KSR2: variants seen among roughly 807,000 people sequenced by gnomAD.
KSR2 encodes the protein kinase suppressor of ras 2.
In KSR2, 25 loss-of-function variants were observed where a neutral mutation model predicts 107.8. The observed-to-expected ratio is 0.23, with a 90% CI of 0.17 to 0.32. The LOEUF (loss-of-function observed/expected upper bound fraction) is 0.32, where lower values mean the gene tolerates loss of function less well. Among genes scored for constraint, KSR2 ranks in the 10% least tolerant of loss-of-function variants. The pLI is 1.00. For synonymous variants in KSR2, 480 were observed against 507.0 expected (o/e 0.95, Z 0.71); for missense variants, 887 against 1,268.9 (o/e 0.70, Z 4.57).
At chr12:117,849,965 A>G (rs1289993547) in intron 3 of KSR2, among the ~76,000 whole-genome samples, 2 of 152,376 alleles carry the variant, frequency 1.3e-5, no homozygotes, top group East Asian at 3.9e-4. Context: ...AGATGAATAC[A>G]ATATCACCCT....
At chr12:117,583,973 G>A (rs1879847649) in intron 5 of KSR2, among the ~76,000 whole-genome samples, 1 of 152,180 alleles carries the variant, frequency 6.6e-6, no homozygotes, top group South Asian at 2.1e-4. Flanking sequence ...CTATCACAGA[G>A]CATTTAACCC....
Position 117,469,648 on chromosome 12 carries a change from G to C in KSR2, c.2846+14C>G, listed in dbSNP as rs1201739379. On this transcript the variant is annotated intron_variant, in intron 19 of 19. Transcript: ENST00000339824. The stretch of plus-strand genomic sequence containing the variant: ...ACAAGGCAGTGGGGAGAGACATTAA[G>C]GGAGAAAACCTACTCTGCAGACTTC... The C allele has an allele frequency of 1.9e-6, 3 of 1,610,826 alleles. No individual in the cohort carries two copies. Among genetic ancestry groups the C allele is most frequent in the East Asian group, 2.2e-5 (1 of 44,800 alleles).
At chr12:117,514,705 C>T (rs1874253757) in intron 14 of KSR2, among the ~76,000 whole-genome samples, 1 of 152,012 alleles carries the variant, frequency 6.6e-6, no homozygotes, top group African/African-American at 2.4e-5. Context: ...CACACCATCA[C>T]ATCTGGCTAG....
At chr12:117,894,174 G>T (rs1054163700) in intron 1 of KSR2, among the ~76,000 whole-genome samples, 4 of 152,134 alleles carry the variant, frequency 2.6e-5, no homozygotes, top group African/African-American at 4.8e-5. Context: ...CTCCCAAAGT[G>T]CTGGGATTAC....
intron 4 of KSR2, among the ~76,000 whole-genome samples, chr12:117,759,968 G>A (rs1888935974): frequency 6.6e-6 from 1 of 152,174 alleles, no homozygotes; most frequent in African/African-American, 2.4e-5. Flanking sequence ...AATTAGCCAG[G>A]CGTGGTGGCA....
intron 4 of KSR2, among the ~76,000 whole-genome samples, chr12:117,712,122 G>C (rs1001587203): frequency 6.6e-6 from 1 of 152,212 alleles, no homozygotes; most frequent in African/African-American, 2.4e-5. Context: ...CAATGACCAG[G>C]CTTCTTGGTC....
intron 4 of KSR2, among the ~76,000 whole-genome samples, chr12:117,754,784 G>A (rs1393545277): frequency 6.6e-6 from 1 of 152,196 alleles, no homozygotes; most frequent in African/African-American, 2.4e-5. Flanking sequence ...CTAGGCAACA[G>A]AGCAAGACTC....
chr12:117,690,945 T>C (rs1365493235), intron 4 of KSR2, among the ~76,000 whole-genome samples: 1 of 152,140 alleles, frequency 6.6e-6, no homozygotes, highest in Non-Finnish European at 1.5e-5. Flanking sequence ...CGAAGGTAAA[T>C]ATTCCCACCT....
intron 1 of KSR2, among the ~76,000 whole-genome samples, chr12:117,892,169 G>T (rs1395033082): frequency 1.3e-5 from 2 of 151,724 alleles, no homozygotes; most frequent in African/African-American, 4.8e-5. Context: ...TGGGTGTGAT[G>T]GTGGGCACCT....
chr12:117,859,139 C>CTTTTTTTT (rs34697963), intron 2 of KSR2, among the ~76,000 whole-genome samples: 1 of 81,094 alleles, frequency 1.2e-5, no homozygotes, highest in Non-Finnish European at 2.2e-5. Flanking sequence ...ATGAGCTGAA[C>CTTTTTTTT]TTTTTTTTTT....
At chr12:117,778,425 C>T (rs1286014533) in intron 3 of KSR2, among the ~76,000 whole-genome samples, 2 of 152,136 alleles carry the variant, frequency 1.3e-5, no homozygotes, top group African/African-American at 4.8e-5. Context: ...ATTAAAGCTG[C>T]CATGATGGAT....
rs1204424494 is a variant in KSR2 at position 117,761,374 on chromosome 12, T to C, written c.623A>G (p.His208Arg). ...SPRVPSKCVQ[H>R]YCHTSPTPGA... The stretch of plus-strand genomic sequence containing the variant: ...GGGAGTGGGGCTGGTGTGACAATAG[T>C]GCTGGACGCACTTGGACGGGACCCT... Residue 208 changes from histidine (H) to arginine (R), a missense_variant, in exon 4 of 20, where the codon CAC (histidine) becomes CGC (arginine). His to Arg is a conservative substitution (Grantham distance 29, BLOSUM62 0). This residue lies in a region of KSR2 where 399 missense variants were observed against 479.5 expected (regional missense o/e 0.83). Transcript: ENST00000339824. 1.2e-6 allele frequency: 2 copies of C among 1,603,844 alleles called. No individual in the cohort carries two copies. Among genetic ancestry groups the C allele is most frequent in the South Asian group, 2.2e-5 (2 of 90,242 alleles).
Position 117,772,769 on chromosome 12 carries a change from T to C in KSR2, c.473-11245A>G, listed in dbSNP as rs566388658. 2.7e-3 allele frequency among the ~76,000 whole-genome samples: 403 copies of C among 152,046 alleles called. 1 individual carries two copies. Among genetic ancestry groups the C allele is most frequent in the Non-Finnish European group, 4.4e-3 (296 of 67,956 alleles). Reference sequence around the variant, plus strand: ...CAAAGACGCACACACACACATACCATTCCACCAAAGACGCACAAGCACACA... The same window carrying C: ...CAAAGACGCACACACACACATACCACTCCACCAAAGACGCACAAGCACACA... On this transcript the variant is annotated intron_variant, in intron 3 of 19. Transcript: ENST00000339824.
Position 117,641,956 on chromosome 12 carries a change from C to T in KSR2, c.1171+25518G>A, listed in dbSNP as rs1883382269. On this transcript the variant is annotated intron_variant, in intron 5 of 19. Transcript: ENST00000339824. Reference sequence around the variant, plus strand: ...TTCATCCACAGAATCTTCCGTGTTCCTGAAACCTGCCAAGCTCTTTCAGCA... The same window carrying T: ...TTCATCCACAGAATCTTCCGTGTTCTTGAAACCTGCCAAGCTCTTTCAGCA... Among the ~76,000 whole-genome samples, 3 of 152,316 alleles carry T rather than the reference C, an allele frequency of 2.0e-5. No individual in the cohort carries two copies. The South Asian group carries it at 6.2e-4, about 32-fold the overall frequency.
chr12:117,507,825 T>C (rs1873792160), intron 14 of KSR2, among the ~76,000 whole-genome samples: 1 of 152,106 alleles, frequency 6.6e-6, no homozygotes, highest in Non-Finnish European at 1.5e-5. Context: ...GGGTATAAAA[T>C]AGGCAGTGAG....
At chr12:117,906,290 T>C (rs2137411663) in intron 1 of KSR2, among the ~76,000 whole-genome samples, 1 of 147,738 alleles carries the variant, frequency 6.8e-6, no homozygotes, top group Admixed American at 6.9e-5. Context: ...GAGGCAGAGG[T>C]TGTGGTGAGC....
At position 117,883,875 on chromosome 12, in the gene KSR2, CAAAAAAAA is replaced by C. The variant is rs34939587; in HGVS notation, c.181-23452_181-23445del. Among the ~76,000 whole-genome samples, 909 of 93,842 alleles carry C rather than the reference CAAAAAAAA, an allele frequency of 9.7e-3. 10 individuals are homozygous for C. The highest frequency in any genetic ancestry group is 0.036 in the African/African-American group (849 of 23,852). 61.6% of individuals were successfully genotyped at this position (93,842 alleles called of 152,430 possible). A position where few individuals can be genotyped will look rare whatever the true frequency, so the allele number is the denominator to read the frequency against. ...TGGGCGACAGAGCAAGTCTCCATCT[CAAAAAAAA>C]AAAAAAAAAAAGGAAATGAGGTCAA... On this transcript the variant is annotated intron_variant, in intron 1 of 19. Coordinates refer to ENST00000339824, the MANE Select transcript of KSR2 (RefSeq NM_173598.6).
chr12:117,463,560 A>T lies in KSR2; in HGVS notation c.*3639T>A, dbSNP rs1009765071. 2 of 152,224 alleles carry T rather than the reference A, an allele frequency of 1.3e-5. No homozygotes were observed. The highest frequency in any genetic ancestry group is 4.8e-5 in the African/African-American group (2 of 41,454). The allele number at this position is 152,224 out of a possible 1,614,324, so 9.4% of individuals were successfully genotyped here. On this transcript the variant is annotated 3_prime_UTR_variant, in exon 20 of 20. Coordinates refer to ENST00000339824, the MANE Select transcript of KSR2 (RefSeq NM_173598.6). ...TGCTCCAATAACATTTTGTTTATTG[A>T]CATGAAATTTGAATGTTATAGAATT...
chr12:117,790,384 T>C (rs954051822), intron 3 of KSR2, among the ~76,000 whole-genome samples: 18 of 152,216 alleles, frequency 1.2e-4, no homozygotes, highest in Non-Finnish European at 5.9e-5. Flanking sequence ...TTGCATTCTT[T>C]TGAGTTCTTG....
Sources: gnomAD v4.1 joint callset for allele counts (sites outside exome capture counted in the v4.1 genomes callset) on GRCh38, gnomAD v4.1.1 for gene constraint, gnomAD v4.1.1 regional missense constraint, MANE v1.5 for transcripts, NCBI Gene and HGNC (gene_info 2026-07-23, HGNC 2026-07-21) for gene names.